Variants in PUS7 observed in about 807,000 individuals in gnomAD.
PUS7 encodes the protein pseudouridylate synthase 7 homolog.
Under a neutral mutation model 79.8 loss-of-function variants are expected in PUS7, and 48 were observed. That is an observed-to-expected ratio of 0.60 (90% CI 0.48 to 0.76). The LOEUF (loss-of-function observed/expected upper bound fraction) is 0.76. Ranked by LOEUF, PUS7 falls within the 30% of genes least tolerant of loss-of-function variation. The pLI is 0.00. For synonymous variants in PUS7, 286 were observed against 272.2 expected (o/e 1.05, Z -0.50); for missense variants, 729 against 797.6 (o/e 0.91, Z 1.04).
At chr7:105,491,202 A>G (rs945901123) in intron 7 of PUS7, among the ~76,000 whole-genome samples, 8 of 152,340 alleles carry the variant, frequency 5.3e-5, no homozygotes, top group African/African-American at 1.7e-4. Context: ...AATTGCTTCA[A>G]AAACACAGAC....
chr7:105,494,200 T>A (rs1209157882), intron 6 of PUS7, among the ~76,000 whole-genome samples: 1 of 152,164 alleles, frequency 6.6e-6, no homozygotes, highest in Non-Finnish European at 1.5e-5. Flanking sequence ...AAGAGAAAGT[T>A]AATTTTTATT....
At chr7:105,460,592 C>T (rs1277929956) in intron 14 of PUS7, among the ~76,000 whole-genome samples, 3 of 152,100 alleles carry the variant, frequency 2.0e-5, no homozygotes, top group South Asian at 2.1e-4. Context: ...CGGTGGCTCA[C>T]GCCTGTAATC....
intron 5 of PUS7, among the ~76,000 whole-genome samples, chr7:105,499,774 A>G (rs1385185079): frequency 6.6e-6 from 1 of 152,176 alleles, no homozygotes; most frequent in Non-Finnish European, 1.5e-5. Flanking sequence ...CATAATAACA[A>G]TTTCTATCAG....
chr7:105,502,585 C>A (rs1825299702), intron 4 of PUS7, 21 bp from the exon 5 acceptor site: 3 of 1,610,778 alleles, frequency 1.9e-6, no homozygotes, highest in South Asian at 2.2e-5. Flanking sequence ...AAACAGATAG[C>A]AATACCACCA....
At chr7:105,505,570 T>C (rs563316994) in intron 4 of PUS7, among the ~76,000 whole-genome samples, 12 of 152,262 alleles carry the variant, frequency 7.9e-5, no homozygotes, top group African/African-American at 2.4e-4. Context: ...AAACAACATA[T>C]GTCGCTGTTC....
intron 1 of PUS7, among the ~76,000 whole-genome samples, chr7:105,512,570 A>C (rs1407341610): frequency 6.6e-6 from 1 of 152,230 alleles, no homozygotes; most frequent in Non-Finnish European, 1.5e-5. Context: ...GTGCAAAGGC[A>C]TGGGGGCGTG....
At chr7:105,476,165 G>A (rs1824102954) in intron 9 of PUS7, among the ~76,000 whole-genome samples, 1 of 150,938 alleles carries the variant, frequency 6.6e-6, no homozygotes, top group South Asian at 2.1e-4. Flanking sequence ...CCTTTGAAAG[G>A]CTTACATATT....
At chr7:105,477,965 G>C (rs1271352304) in intron 9 of PUS7, among the ~76,000 whole-genome samples, 2 of 152,032 alleles carry the variant, frequency 1.3e-5, no homozygotes, top group Admixed American at 1.3e-4. Flanking sequence ...AGCACACTCA[G>C]CTAATTTTTT....
intron 1 of PUS7, among the ~76,000 whole-genome samples, chr7:105,516,716 AG>A (rs1825909172): frequency 7.6e-6 from 1 of 132,060 alleles, no homozygotes; most frequent in Admixed American, 7.4e-5. Flanking sequence ...GACCTCCCAA[AG>A]TTCCTGGGAT....
At chr7:105,471,430 AG>A (rs1209163658) in intron 10 of PUS7, among the ~76,000 whole-genome samples, 1 of 152,240 alleles carries the variant, frequency 6.6e-6, no homozygotes, top group Admixed American at 6.5e-5. Context: ...TTATACACTC[AG>A]ATTTAGTAGT....
At chr7:105,463,795 A>C (rs1823530900) in intron 13 of PUS7, among the ~76,000 whole-genome samples, 1 of 152,228 alleles carries the variant, frequency 6.6e-6, no homozygotes, top group African/African-American at 2.4e-5. Flanking sequence ...GGATGGACAA[A>C]TGCAAATACA....
At chr7:105,458,448 G>A (rs1241688090) in intron 15 of PUS7, among the ~76,000 whole-genome samples, 9 of 150,434 alleles carry the variant, frequency 6.0e-5, no homozygotes, top group African/African-American at 2.2e-4. Flanking sequence ...TGTATTTTCA[G>A]TAGAGACGGG....
intron 1 of PUS7, among the ~76,000 whole-genome samples, chr7:105,514,854 C>T (rs1825834574): frequency 6.6e-6 from 1 of 151,098 alleles, no homozygotes; most frequent in Non-Finnish European, 1.5e-5. Context: ...AGCAGTGGCG[C>T]AATCTCGGCT....
At chr7:105,475,396 A>G (rs10272920) in intron 9 of PUS7, among the ~76,000 whole-genome samples, 134,092 of 151,806 alleles carry the variant, frequency 0.88, 59,548 homozygotes, top group African/African-American at 0.96. Context: ...TGTGTTAGCC[A>G]GGATGGTCTC....
chr7:105,495,343 A>T (rs1824969396), intron 5 of PUS7, 90 bp from the exon 6 acceptor site: 2 of 745,152 alleles, frequency 2.7e-6, no homozygotes, highest in Non-Finnish European at 4.6e-6. Context: ...TTTGAGTGGA[A>T]AATCAGTTCT....
intron 8 of PUS7, 98 bp downstream of exon 8, chr7:105,482,214 G>T: frequency 7.1e-7 from 1 of 1,403,460 alleles, no homozygotes; most frequent in Non-Finnish European, 9.8e-7. Flanking sequence ...TGTTCTGTTA[G>T]TACCAGCTCA....
At chr7:105,464,963 T>A (rs1228202065) in intron 13 of PUS7, among the ~76,000 whole-genome samples, 1 of 151,796 alleles carries the variant, frequency 6.6e-6, no homozygotes, top group Non-Finnish European at 1.5e-5. Context: ...GAACCACAGG[T>A]GTGCACTACC....
intron 1 of PUS7, among the ~76,000 whole-genome samples, chr7:105,509,031 A>T (rs549116517): frequency 0.13 from 20,047 of 149,352 alleles, 1,745 homozygotes; most frequent in South Asian, 0.26. Flanking sequence ...ATACAAAAAA[A>T]AAACTAGCTG....
chr7:105,487,091 T>C (rs1824582667), intron 7 of PUS7, among the ~76,000 whole-genome samples: 1 of 151,996 alleles, frequency 6.6e-6, no homozygotes, highest in Non-Finnish European at 1.5e-5. Flanking sequence ...TAAATATATA[T>C]ATACACATGT....
Sources: allele counts gnomAD v4.1 joint callset (sites outside exome capture counted in the v4.1 genomes callset), GRCh38; gene constraint gnomAD v4.1.1; transcripts MANE v1.5; gene names NCBI Gene and HGNC (gene_info 2026-07-23, HGNC 2026-07-21).